RHBDD1: variants seen among roughly 807,000 people sequenced by gnomAD.
RHBDD1 encodes rhomboid domain containing 1.
RHBDD1 carries 38 observed loss-of-function variants against 36.3 expected under a neutral mutation model. The observed-to-expected ratio is 1.05, with a 90% confidence interval of 0.81 to 1.37. The LOEUF is 1.37. Among genes scored for constraint, RHBDD1 ranks in the 40% most tolerant of loss-of-function variants. RHBDD1 has a pLI of 0.00. For missense variants in RHBDD1, 393 were observed against 377.6 expected (o/e 1.04, Z -0.34); for synonymous variants, 151 against 136.5 (o/e 1.11, Z -0.74).
the RHBDD1 span, among the ~76,000 whole-genome samples, chr2:226,800,379 G>A: frequency 6.6e-6 from 1 of 152,178 alleles, no homozygotes. Context: ...TTCCACCTTG[G>A]GATCCCCAGA....
At chr2:226,987,352 T>C (rs933592277) in intron 8 of RHBDD1, among the ~76,000 whole-genome samples, 1 of 151,336 alleles carries the variant, frequency 6.6e-6, no homozygotes, top group Non-Finnish European at 1.5e-5. Context: ...AAAAAAAAAA[T>C]TGGGATGGGA....
intron 8 of RHBDD1, among the ~76,000 whole-genome samples, chr2:226,987,787 A>G (rs1957329661): frequency 6.6e-6 from 1 of 152,220 alleles, no homozygotes; most frequent in Non-Finnish European, 1.5e-5. Flanking sequence ...ATTATCTGCA[A>G]CAGAGTCATC....
At chr2:226,861,156 T>C (rs777936136) in intron 3 of RHBDD1, among the ~76,000 whole-genome samples, 4 of 152,044 alleles carry the variant, frequency 2.6e-5, no homozygotes, top group Non-Finnish European at 5.9e-5. Context: ...ACCTGAGAAA[T>C]CAAAGCTGAA....
At chr2:226,939,015 TAAAGACAA>T (rs1950513919) in intron 8 of RHBDD1, among the ~76,000 whole-genome samples, 1 of 151,984 alleles carries the variant, frequency 6.6e-6, no homozygotes, top group African/African-American at 2.4e-5. Context: ...CAAACAGAAC[TAAAGACAA>T]AAATCACTTG....
intron 8 of RHBDD1, among the ~76,000 whole-genome samples, chr2:226,983,311 A>G (rs1956198637): frequency 6.6e-6 from 1 of 152,166 alleles, no homozygotes; most frequent in Admixed American, 6.5e-5. Context: ...AGCATCTAGT[A>G]TTTAGCCCTT....
chr2:226,878,924 GAC>G (rs1413183413), intron 5 of RHBDD1, among the ~76,000 whole-genome samples: 1 of 152,112 alleles, frequency 6.6e-6, no homozygotes, highest in Non-Finnish European at 1.5e-5. Flanking sequence ...GAGTCTTGGG[GAC>G]AGATCCATAC....
At position 226,906,847 on chromosome 2, in the gene RHBDD1, A is replaced by G. The variant is rs139054774; in HGVS notation, c.621A>G (p.Gln207=). 8.0e-5 allele frequency: 129 copies of G among 1,614,152 alleles called. No individual in the cohort carries two copies. The African/African-American group carries it at 1.6e-3, about 20-fold the overall frequency. Residue 207 remains glutamine, a synonymous_variant, in exon 6 of 9, where the codon CAA becomes CAG. Transcript: ENST00000392062. Reference sequence around the variant, plus strand: ...TTCTTGTTGGACTAATGTACACTCAAGGGCCTCTGAAGAAAATCATGGAAG... The same window carrying G: ...TTCTTGTTGGACTAATGTACACTCAGGGGCCTCTGAAGAAAATCATGGAAG... ...AGILVGLMYT[Q]GPLKKIMEAC...
intron 8 of RHBDD1, among the ~76,000 whole-genome samples, chr2:226,993,065 G>A (rs939526034): frequency 7.2e-5 from 11 of 152,154 alleles, no homozygotes; most frequent in African/African-American, 2.4e-4. Flanking sequence ...GGTTCTCCTC[G>A]AATGCCCTGC....
intron 8 of RHBDD1, among the ~76,000 whole-genome samples, chr2:226,994,524 C>CAAATTACCAAGGTTAGCAGA (rs1958980531): frequency 6.6e-6 from 1 of 152,152 alleles, no homozygotes; most frequent in Non-Finnish European, 1.5e-5. Flanking sequence ...CCTTTCAGTG[C>CAAATTACCAAGGTTAGCAGA]AAATTACCAA....
At chr2:226,914,165 C>G (rs200795387) in intron 7 of RHBDD1, 43 bp from the exon 8 acceptor site, 173 of 1,582,910 alleles carry the variant, frequency 1.1e-4, no homozygotes, top group Non-Finnish European at 5.0e-5. Flanking sequence ...TATAAAACAA[C>G]AGTCCATAGC....
chr2:226,915,440 G>C (rs1948833147), intron 8 of RHBDD1, among the ~76,000 whole-genome samples: 1 of 152,162 alleles, frequency 6.6e-6, no homozygotes, highest in African/African-American at 2.4e-5. Flanking sequence ...AATAGACCAA[G>C]TGGAAAGTGG....
chr2:226,893,830 A>G (rs906532614), intron 5 of RHBDD1, among the ~76,000 whole-genome samples: 1 of 152,134 alleles, frequency 6.6e-6, no homozygotes, highest in Non-Finnish European at 1.5e-5. Context: ...GACCTCCACG[A>G]TAAAAATAGT....
intron 3 of RHBDD1, among the ~76,000 whole-genome samples, chr2:226,842,256 G>T (rs2124982896): frequency 6.6e-6 from 1 of 152,234 alleles, no homozygotes; most frequent in Middle Eastern, 3.4e-3. Flanking sequence ...TCACTCTAAT[G>T]ATAGTCTCTT....
chr2:226,805,596 T>C, the RHBDD1 span, among the ~76,000 whole-genome samples: 1 of 152,252 alleles, frequency 6.6e-6, no homozygotes, highest in Admixed American at 6.5e-5. Context: ...CAACACCTTT[T>C]GCTGGTTTTG....
intron 5 of RHBDD1, among the ~76,000 whole-genome samples, chr2:226,881,274 T>A (rs1333671605): frequency 2.0e-5 from 3 of 152,202 alleles, no homozygotes; most frequent in Non-Finnish European, 4.4e-5. Flanking sequence ...AAGATGAGAT[T>A]TGGGTGGGGA....
At chr2:226,963,444 A>G (rs1340386549) in intron 8 of RHBDD1, among the ~76,000 whole-genome samples, 1 of 152,184 alleles carries the variant, frequency 6.6e-6, no homozygotes, top group Non-Finnish European at 1.5e-5. Context: ...TTTTGTTAGT[A>G]GATACACTGG....
At chr2:226,990,195 TCCCTTCAGG>T (rs1224439255) in intron 8 of RHBDD1, among the ~76,000 whole-genome samples, 1 of 152,196 alleles carries the variant, frequency 6.6e-6, no homozygotes, top group Non-Finnish European at 1.5e-5. Flanking sequence ...AGACCTGGGG[TCCCTTCAGG>T]CCTTTTTGGT....
the RHBDD1 span, among the ~76,000 whole-genome samples, chr2:226,814,122 A>C: frequency 6.6e-6 from 1 of 152,206 alleles, no homozygotes; most frequent in African/African-American, 2.4e-5. Context: ...GGACTGTATG[A>C]ACAATGGAGA....
At chr2:226,815,097 T>C in the RHBDD1 span, among the ~76,000 whole-genome samples, 11,844 of 152,310 alleles carry the variant, frequency 0.078, 526 homozygotes, top group Middle Eastern at 0.13. Context: ...TATTCCATAG[T>C]GGATGCTCCA....
Sources: allele counts gnomAD v4.1 joint callset (sites outside exome capture counted in the v4.1 genomes callset), GRCh38; gene constraint gnomAD v4.1.1; transcripts MANE v1.5; gene names NCBI Gene and HGNC (gene_info 2026-07-23, HGNC 2026-07-21).